Variants in MRPL1 observed in about 807,000 individuals in gnomAD.
The protein encoded by MRPL1 is large ribosomal subunit protein uL1m.
A neutral mutation model predicts 38.0 loss-of-function variants in MRPL1; 28 were observed. That is an observed-to-expected ratio of 0.74 (90% CI 0.55 to 1.01). MRPL1 has a LOEUF of 1.01. Ranked by LOEUF, MRPL1 falls within the 50% of genes least tolerant of loss-of-function variation. The pLI, the probability that MRPL1 is intolerant of heterozygous loss-of-function variation, is 0.00. For missense variants in MRPL1, 358 were observed against 389.8 expected (o/e 0.92, Z 0.69); for synonymous variants, 123 against 126.7 (o/e 0.97, Z 0.20).
chr4:77,925,156 A>G (rs933964219), intron 7 of MRPL1, among the ~76,000 whole-genome samples: 6 of 152,290 alleles, frequency 3.9e-5, no homozygotes, highest in African/African-American at 1.4e-4. Flanking sequence ...AGTAACAGGC[A>G]TTGTAGTACT....
intron 1 of MRPL1, among the ~76,000 whole-genome samples, chr4:77,865,538 T>C (rs1735108417): frequency 6.6e-6 from 1 of 151,790 alleles, no homozygotes; most frequent in African/African-American, 2.4e-5. Flanking sequence ...CCAGCTAATT[T>C]TTTTTTTGGT....
chr4:77,935,439 G>A (rs1736945616), intron 7 of MRPL1, among the ~76,000 whole-genome samples: 1 of 151,936 alleles, frequency 6.6e-6, no homozygotes, highest in Non-Finnish European at 1.5e-5. Flanking sequence ...CTCTCGCCCA[G>A]GCTGGAGTGC....
At chr4:77,887,337 T>G in intron 5 of MRPL1, 46 bp downstream of exon 5, 3 of 1,399,606 alleles carry the variant, frequency 2.1e-6, no homozygotes, top group Non-Finnish European at 3.0e-6. Context: ...ATGATTCTGT[T>G]ATCTTTACCA....
rs184565975 is a variant in MRPL1 at position 77,944,449 on chromosome 4, G to A, written c.778-5348G>A. ...CTCAGCTTAGATACTACCTTTTTTCGTGATGAGTAAAGCCTTCCGTGTCAA... is the reference window on the plus strand; with the variant it reads ...CTCAGCTTAGATACTACCTTTTTTCATGATGAGTAAAGCCTTCCGTGTCAA... On this transcript the variant is annotated intron_variant, in intron 7 of 8. Transcript: ENST00000315567. 7.3e-3 allele frequency among the ~76,000 whole-genome samples: 1,105 copies of A among 151,932 alleles called. 8 individuals carry two copies. The highest frequency in any genetic ancestry group is 0.012 in the Non-Finnish European group (821 of 67,948).
At chr4:77,877,186 C>T (rs1735417536) in intron 2 of MRPL1, among the ~76,000 whole-genome samples, 1 of 152,220 alleles carries the variant, frequency 6.6e-6, no homozygotes, top group East Asian at 1.9e-4. Flanking sequence ...AGGCGTTAGC[C>T]ACCACACCTG....
rs59434555 is a variant in MRPL1 at position 77,911,505 on chromosome 4, A to T, written c.777+2133A>T. Among the ~76,000 whole-genome samples the T allele has an allele frequency of 5.4e-4, 82 of 152,174 alleles. 1 individual carries two copies. Among genetic ancestry groups the T allele is most frequent in the African/African-American group, 1.9e-3 (78 of 41,520 alleles). On this transcript the variant is annotated intron_variant, in intron 7 of 8. Coordinates refer to ENST00000315567, the MANE Select transcript of MRPL1 (RefSeq NM_020236.4). ...ACACTTAGTATTGCAGTATAGAAGG[A>T]TGTTGAGAGTGGGTTTTAGATTCCT...
intron 2 of MRPL1, among the ~76,000 whole-genome samples, chr4:77,876,095 C>G (rs907619541): frequency 2.6e-5 from 4 of 152,142 alleles, no homozygotes; most frequent in Admixed American, 2.6e-4. Flanking sequence ...GCCTCAGCCT[C>G]CCAAGTAGCT....
At chr4:77,862,950 G>A (rs1735036319) in intron 1 of MRPL1, 71 bp downstream of exon 1, 12 of 1,579,208 alleles carry the variant, frequency 7.6e-6, no homozygotes, top group African/African-American at 1.3e-5. Context: ...AGAGTGCAAG[G>A]CGGATTCTGC....
chr4:77,878,690 C>T (rs1465820918), intron 2 of MRPL1, among the ~76,000 whole-genome samples: 1 of 151,952 alleles, frequency 6.6e-6, no homozygotes, highest in Non-Finnish European at 1.5e-5. Flanking sequence ...CCATCCTGGC[C>T]AACATGGTGA....
chr4:77,931,545 T>A (rs1391208534), intron 7 of MRPL1, among the ~76,000 whole-genome samples: 1 of 152,176 alleles, frequency 6.6e-6, no homozygotes, highest in Non-Finnish European at 1.5e-5. Context: ...AAGGCAACAG[T>A]GCTTGTTTTT....
chr4:77,872,959 G>C (rs1735316910), intron 2 of MRPL1, among the ~76,000 whole-genome samples: 1 of 152,146 alleles, frequency 6.6e-6, no homozygotes, highest in Non-Finnish European at 1.5e-5. Context: ...CTTGAACCTG[G>C]GAGGCAGAGG....
At chr4:77,876,644 G>A (rs1735402825) in intron 2 of MRPL1, among the ~76,000 whole-genome samples, 1 of 152,108 alleles carries the variant, frequency 6.6e-6, no homozygotes, top group Non-Finnish European at 1.5e-5. Context: ...ATTGTTTAAT[G>A]TATTGACTTT....
At chr4:77,911,146 T>C (rs1009725541) in intron 7 of MRPL1, among the ~76,000 whole-genome samples, 1 of 152,204 alleles carries the variant, frequency 6.6e-6, no homozygotes, top group Non-Finnish European at 1.5e-5. Context: ...CACTATGTGG[T>C]TTTGAAGATT....
intron 7 of MRPL1, among the ~76,000 whole-genome samples, chr4:77,946,546 A>G (rs760179869): frequency 1.3e-5 from 2 of 152,250 alleles, no homozygotes; most frequent in African/African-American, 4.8e-5. Context: ...AATCTTCACA[A>G]TTTATGTTCA....
At chr4:77,931,858 C>T (rs879429229) in intron 7 of MRPL1, among the ~76,000 whole-genome samples, 5 of 151,846 alleles carry the variant, frequency 3.3e-5, no homozygotes, top group Admixed American at 6.6e-5. Context: ...TTTTGCAGGA[C>T]GTCATTAAAA....
At chr4:77,867,452 C>A (rs1424428131) in intron 1 of MRPL1, among the ~76,000 whole-genome samples, 1 of 152,232 alleles carries the variant, frequency 6.6e-6, no homozygotes, top group Non-Finnish European at 1.5e-5. Context: ...GCTAGGTATA[C>A]AATGCTGAAC....
At chr4:77,880,713 T>G (rs1279313227) in intron 2 of MRPL1, among the ~76,000 whole-genome samples, 1 of 152,230 alleles carries the variant, frequency 6.6e-6, no homozygotes, top group Non-Finnish European at 1.5e-5. Flanking sequence ...CTTTTTATCT[T>G]CAAATTCTTA....
chr4:77,938,623 T>A (rs1345045737), intron 7 of MRPL1, among the ~76,000 whole-genome samples: 1 of 152,186 alleles, frequency 6.6e-6, no homozygotes, highest in East Asian at 1.9e-4. Context: ...TACTGGACAG[T>A]ATCCCATAAA....
intron 1 of MRPL1, among the ~76,000 whole-genome samples, chr4:77,866,904 C>T (rs1176793792): frequency 2.0e-5 from 3 of 151,908 alleles, no homozygotes; most frequent in Non-Finnish European, 2.9e-5. Context: ...CCTGTCACAA[C>T]GGCCAGCTAA....
Sources: allele counts gnomAD v4.1 joint callset (sites outside exome capture counted in the v4.1 genomes callset), GRCh38; gene constraint gnomAD v4.1.1; transcripts MANE v1.5; gene names NCBI Gene and HGNC (gene_info 2026-07-23, HGNC 2026-07-21).